The following TLN1 variants were observed in gnomAD, a reference collection of about 807,000 sequenced individuals.
TLN1 encodes the protein talin 1.
Under a neutral mutation model 292.3 loss-of-function variants are expected in TLN1, and 56 were observed. The ratio of observed to expected loss-of-function variants is 0.19; its 90% CI spans 0.15 to 0.24. The LOEUF (loss-of-function observed/expected upper bound fraction) is 0.24, where lower values mean the gene tolerates loss of function less well. Among genes scored for constraint, TLN1 ranks in the 10% least tolerant of loss-of-function variants. TLN1 has a pLI of 1.00. For missense variants in TLN1, 2,433 were observed against 3,248.2 expected, an observed-to-expected ratio of 0.75 and a Z score of 6.10; for synonymous variants, 1,119 against 1,253.7, an observed-to-expected ratio of 0.89 and a Z score of 2.27.
intron 33 of TLN1, among the ~76,000 whole-genome samples, chr9:35,709,799 A>G (rs1212268733): frequency 7.3e-6 from 1 of 136,296 alleles, no homozygotes; most frequent in East Asian, 2.5e-4. Flanking sequence ...AGGCAGGAGA[A>G]TGGCGTGAAC....
rs369195468 is a variant in TLN1, at chr9:35,716,566, T to C, written c.2459-10A>G. Reference sequence around the variant, plus strand: ...TGTCGCACCATCTCCCCTGAGAGCATAGGGCACAGTCAGGCGAGGAAGCCA... The same window carrying C: ...TGTCGCACCATCTCCCCTGAGAGCACAGGGCACAGTCAGGCGAGGAAGCCA... On this transcript the variant is annotated splice_polypyrimidine_tract_variant and intron_variant, in intron 19 of 56. Transcript: ENST00000314888. 8.7e-6 allele frequency: 14 copies of C among 1,612,550 alleles called. No homozygotes were observed. Among genetic ancestry groups the C allele is most frequent in the Middle Eastern group, 3.3e-4 (2 of 6,000 alleles).
chr9:35,704,943 G>C lies in TLN1; in HGVS notation c.5734-128C>G, dbSNP rs904351233. The C allele has an allele frequency of 2.6e-5, 30 of 1,165,406 alleles. No homozygotes were observed. The highest frequency in any genetic ancestry group is 3.5e-5 in the Non-Finnish European group (29 of 838,362). 72.2% of individuals were successfully genotyped at this position (1,165,406 alleles called of 1,614,324 possible). A position where few individuals can be genotyped will look rare whatever the true frequency, so the allele number is the denominator to read the frequency against. On this transcript the variant is annotated intron_variant, in intron 43 of 56. Transcript: ENST00000314888. This position sits in a 1 kb window ranked among gnomAD's most constrained non-coding sequence, Gnocchi z 6.9. ...TAGACTAAAGAAGCAGAGAGAGAAG[G>C]TTCCCAGCACAAGGACGTTTCCGGT...
At chr9:35,705,492 G>T in intron 43 of TLN1, 59 bp downstream of exon 43, 4 of 1,515,602 alleles carry the variant, frequency 2.6e-6, no homozygotes, top group Non-Finnish European at 3.5e-6. Context: ...GACAGCCCTA[G>T]ACACTGACAC....
In TLN1 at chr9:35,698,088, C is replaced by T. The variant is rs1442995061; in HGVS notation, c.7456G>A (p.Glu2486Lys). ...ATCTTCTCTTTCACCACCACTGTCTCATTCTCCTGCTCTTCAAAGGCTGCA... is the reference window on the plus strand; with the variant it reads ...ATCTTCTCTTTCACCACCACTGTCTTATTCTCCTGCTCTTCAAAGGCTGCA... ...KAAAFEEQENETVVVKEKMVG... is the reference protein window; with the variant it reads ...KAAAFEEQENKTVVVKEKMVG... The change falls in exon 56 of 57, where the codon GAG (glutamate) becomes AAG (lysine). Residue 2486 changes from glutamate (E) to lysine (K), a missense_variant. By Grantham distance (56) the Glu-to-Lys change is moderately conservative (BLOSUM62 1). Transcript: ENST00000314888. This position sits in a 1 kb window ranked among gnomAD's most constrained non-coding sequence, Gnocchi z 5.3. 6.2e-7 allele frequency: 1 copy of T among 1,614,180 alleles called. No homozygotes were observed. The highest frequency in any genetic ancestry group is 1.1e-5 in the South Asian group (1 of 91,082).
chr9:35,716,398 C>G lies in TLN1; in HGVS notation c.2617G>C (p.Ala873Pro). ...LADATAKMVE[A>P]AKGAAAHPDS... ...CACAGAAGGCTTTGTACCTTGGCAGCCTCTACCATCTTGGCTGTGGCATCA... is the reference window on the plus strand; with the variant it reads ...CACAGAAGGCTTTGTACCTTGGCAGGCTCTACCATCTTGGCTGTGGCATCA... The change falls in exon 20 of 57, where the codon GCT becomes CCT. Residue 873 changes from alanine to proline, a missense_variant. Ala to Pro is a conservative substitution (Grantham distance 27, BLOSUM62 -1). This residue lies in a region of TLN1 where 617 missense variants were observed against 770.6 expected (regional missense o/e 0.80). Coordinates refer to ENST00000314888, the MANE Select transcript of TLN1 (RefSeq NM_006289.4). The G allele has an allele frequency of 6.2e-7, 1 of 1,614,162 alleles. No homozygotes were observed. Among genetic ancestry groups the G allele is most frequent in the Non-Finnish European group, 8.5e-7 (1 of 1,180,020 alleles).
chr9:35,698,184 G>A lies in TLN1; in HGVS notation c.7372-12C>T. The A allele has an allele frequency of 2.5e-6, 4 of 1,613,848 alleles. No individual in the cohort carries two copies. Among genetic ancestry groups the A allele is most frequent in the South Asian group, 1.1e-5 (1 of 91,086 alleles). On this transcript the variant is annotated splice_polypyrimidine_tract_variant and intron_variant, in intron 55 of 56. Coordinates refer to ENST00000314888, the MANE Select transcript of TLN1 (RefSeq NM_006289.4). The surrounding 1 kb of genome is among the most constrained non-coding windows in gnomAD (Gnocchi z 5.3). Reference sequence around the variant, plus strand: ...GCGTTGCCAGCAGCCTGGGCAGAGAGAAAGTGGCCTAGGTTGAGAACTCAG... The same window carrying A: ...GCGTTGCCAGCAGCCTGGGCAGAGAAAAAGTGGCCTAGGTTGAGAACTCAG...
At chr9:35,722,985 C>T (rs916881611) in intron 7 of TLN1, 64 bp from the exon 8 acceptor site, 5 of 1,453,336 alleles carry the variant, frequency 3.4e-6, no homozygotes, top group South Asian at 3.4e-5. Context: ...GGGCCATGAA[C>T]TGTGGGCCTG....
chr9:35,714,895 T>C lies in TLN1; in HGVS notation c.2755-19A>G, dbSNP rs1450874400. ...CTGCATGCTGTGAAGACAAGAGTAG[T>C]CAGACCAAGCCCATGGATTCCCATG... On this transcript the variant is annotated intron_variant, in intron 21 of 56. Coordinates refer to ENST00000314888, the MANE Select transcript of TLN1 (RefSeq NM_006289.4). This position sits in a 1 kb window ranked among gnomAD's most constrained non-coding sequence, Gnocchi z 4.6. 1 of 1,587,662 alleles carries C rather than the reference T, an allele frequency of 6.3e-7. No individual in the cohort carries two copies. Among genetic ancestry groups the C allele is most frequent in the African/African-American group, 1.3e-5 (1 of 74,610 alleles).
Position 35,699,454 on chromosome 9 carries a change from T to C in TLN1, c.6776A>G (p.Gln2259Arg). 1 of 1,613,036 alleles carries C rather than the reference T, an allele frequency of 6.2e-7. No individual in the cohort carries two copies. The highest frequency in any genetic ancestry group is 8.5e-7 in the Non-Finnish European group (1 of 1,179,370). ...ELLDHVLLTL[Q>R]KPSPELKQQL... is the part of the protein sequence containing the mutation. Reference sequence around the variant, plus strand: ...CTGCTTCAGTTCTGGGCTTGGCTTCTGCAGGGTCTGGGCAAGAAGCGGGCA... The same window carrying C: ...CTGCTTCAGTTCTGGGCTTGGCTTCCGCAGGGTCTGGGCAAGAAGCGGGCA... The change falls in exon 51 of 57, where the codon CAG (glutamine) becomes CGG (arginine). Residue 2259 changes from glutamine (Q) to arginine (R), a missense_variant. This residue lies in a region of TLN1 where 1,384 missense variants were observed against 1,699.6 expected (regional missense o/e 0.81). Coordinates refer to ENST00000314888, the MANE Select transcript of TLN1 (RefSeq NM_006289.4). The surrounding 1 kb of genome is among the most constrained non-coding windows in gnomAD (Gnocchi z 4.0).
chr9:35,703,226 G>T (rs1825496891), intron 48 of TLN1, among the ~76,000 whole-genome samples: 1 of 152,184 alleles, frequency 6.6e-6, no homozygotes, highest in Non-Finnish European at 1.5e-5. Context: ...GAACCTGGGA[G>T]GTGGAGGTTG....
In TLN1 at chr9:35,697,699, G is replaced by C; in HGVS notation, c.*92C>G. On this transcript the variant is annotated 3_prime_UTR_variant, in exon 57 of 57. Transcript: ENST00000314888. Reference sequence around the variant, plus strand: ...GGCAGGCACTTTGGGGAGTGCTGGGGTTGGGCAGGTTGGGCCCCGACAGCC... The same window carrying C: ...GGCAGGCACTTTGGGGAGTGCTGGGCTTGGGCAGGTTGGGCCCCGACAGCC... 6.5e-7 allele frequency: 1 copy of C among 1,548,130 alleles called. No individual in the cohort carries two copies. Among genetic ancestry groups the C allele is most frequent in the African/African-American group, 1.4e-5 (1 of 73,368 alleles).
intron 16 of TLN1, 53 bp from the exon 17 acceptor site, chr9:35,718,963 G>A: frequency 6.2e-7 from 1 of 1,602,372 alleles, no homozygotes; most frequent in Non-Finnish European, 8.5e-7. Context: ...CCACATGCCT[G>A]TGCATATCAC....
At chr9:35,701,740 G>A (rs1825470645) in intron 48 of TLN1, among the ~76,000 whole-genome samples, 1 of 152,116 alleles carries the variant, frequency 6.6e-6, no homozygotes, top group South Asian at 2.1e-4. Flanking sequence ...AAGAAAAAAT[G>A]AGCTGTATTT....
At chr9:35,729,257 C>G (rs543953391) in intron 1 of TLN1, among the ~76,000 whole-genome samples, 71 of 152,364 alleles carry the variant, frequency 4.7e-4, no homozygotes, top group Non-Finnish European at 8.7e-4. Context: ...CAAGCTTTCT[C>G]CACTACGCCA....
chr9:35,713,039 A>C lies in TLN1; in HGVS notation c.3357T>G (p.Ile1119Met). The C allele has an allele frequency of 6.2e-7, 1 of 1,606,874 alleles. No homozygotes were observed. The highest frequency in any genetic ancestry group is 8.5e-7 in the Non-Finnish European group (1 of 1,176,432). ...VAQGNENYAGIAARDVAGGLR... is the reference protein window; with the variant it reads ...VAQGNENYAGMAARDVAGGLR... ...GCCCACCTGCCACATCCCGAGCTGC[A>C]ATACCTTGGGAGATGAGGAGAAAGA... The change falls in exon 27 of 57, where the codon ATT (isoleucine) becomes ATG (methionine). Residue 1119 changes from isoleucine (I) to methionine (M), a missense_variant. Physicochemically the swap from Ile to Met is conservative, Grantham distance 10. Coordinates refer to ENST00000314888, the MANE Select transcript of TLN1 (RefSeq NM_006289.4).
chr9:35,705,182 C>T (rs1302671106), intron 43 of TLN1, among the ~76,000 whole-genome samples: 1 of 152,166 alleles, frequency 6.6e-6, no homozygotes, highest in Non-Finnish European at 1.5e-5. Context: ...TGCTAAGATC[C>T]AATTACTTGC....
chr9:35,718,776 A>ATTCTGGGG lies in TLN1; in HGVS notation c.1995+28_1995+35dup, dbSNP rs1179758779. The ATTCTGGGG allele has an allele frequency of 3.2e-6, 5 of 1,579,276 alleles. No individual in the cohort carries two copies. In the East Asian group the frequency reaches 1.1e-4, roughly 35 times the overall value. ...TTCACGAGCAGAAGTTACTTCCTAGATTCTGGGGTTCTGGGGGGTTGGGTA... is the reference window on the plus strand; with the variant it reads ...TTCACGAGCAGAAGTTACTTCCTAGATTCTGGGGTTCTGGGGTTCTGGGGGGTTGGGTA... On this transcript the variant is annotated intron_variant, in intron 17 of 56. Transcript: ENST00000314888.
chr9:35,702,132 G>A (rs1825476982), intron 48 of TLN1, among the ~76,000 whole-genome samples: 1 of 152,170 alleles, frequency 6.6e-6, no homozygotes, highest in Non-Finnish European at 1.5e-5. Context: ...AAAGGACGTG[G>A]CAACAGCCTG....
chr9:35,721,632 T>G lies in TLN1; in HGVS notation c.1104+16A>C, dbSNP rs372226804. On this transcript the variant is annotated intron_variant, in intron 10 of 56. Coordinates refer to ENST00000314888, the MANE Select transcript of TLN1 (RefSeq NM_006289.4). ...AAACTCCCAAAGCACTTTCTTGTTA[T>G]AGTCCCCAGACTTACCAGGGTGAAG... 8 of 1,604,432 alleles carry G rather than the reference T, an allele frequency of 5.0e-6. No individual in the cohort carries two copies. The highest frequency in any genetic ancestry group is 6.8e-6 in the Non-Finnish European group (8 of 1,171,916).
Sources: allele counts gnomAD v4.1 joint callset (sites outside exome capture counted in the v4.1 genomes callset), GRCh38; gene constraint gnomAD v4.1.1; regional missense constraint gnomAD v4.1.1; non-coding constraint Gnocchi (gnomAD v3.1); transcripts MANE v1.5; gene names NCBI Gene and HGNC (gene_info 2026-07-23, HGNC 2026-07-21).